Variants in PFKP observed in about 807,000 individuals in gnomAD.
PFKP encodes ATP-dependent 6-phosphofructokinase, platelet type.
PFKP carries 101 observed loss-of-function variants against 94.3 expected under a neutral mutation model. That is an observed-to-expected ratio of 1.07 (90% CI 0.91 to 1.26). PFKP has a LOEUF of 1.26. PFKP is among the 50% of genes most tolerant of loss of function. PFKP has a pLI of 0.00. For synonymous variants in PFKP, 573 were observed against 432.6 expected (o/e 1.32, Z -4.03); for missense variants, 1,145 against 1,103.3 (o/e 1.04, Z -0.53).
At position 3,109,479 on chromosome 10, in the gene PFKP, T is replaced by C; in HGVS notation, c.1088T>C (p.Met363Thr). The change falls in exon 10 of 22, where the codon ATG (methionine) becomes ACG (threonine). Residue 363 changes from methionine to threonine, a missense_variant and splice_region_variant. Physicochemically the swap from Met to Thr is moderately conservative, Grantham distance 81 (BLOSUM62 -1). Coordinates refer to ENST00000381125, the MANE Select transcript of PFKP (RefSeq NM_002627.5). ...VRLPLMECVQ[M>T]TQDVQKAMDE... is the part of the protein sequence containing the mutation. ...CTGCCGCTGATGGAGTGCGTGCAGA[T>C]GGTGAGTGGGCAGCCCATGGCCAAG... is the stretch of plus-strand genomic sequence containing the variant. 1 of 1,603,680 alleles carries C rather than the reference T, an allele frequency of 6.2e-7. No homozygotes were observed. The highest frequency in any genetic ancestry group is 8.5e-7 in the Non-Finnish European group (1 of 1,179,678).
chr10:3,099,353 G>A lies in PFKP; in HGVS notation c.264+1G>A, dbSNP rs1422778134. 1.2e-6 allele frequency: 2 copies of A among 1,612,782 alleles called. No homozygotes were observed. Among genetic ancestry groups the A allele is most frequent in the Non-Finnish European group, 1.7e-6 (2 of 1,178,860 alleles). On this transcript the variant is annotated splice_donor_variant, in intron 3 of 21. Transcript: ENST00000381125. LOFTEE classifies it high-confidence loss of function. Reference sequence around the variant, plus strand: ...GAGTGTCTCCAGCATCCTGCAAGTGGTAGGTACTGGGCTGCGTCCACAGGG... The same window carrying A: ...GAGTGTCTCCAGCATCCTGCAAGTGATAGGTACTGGGCTGCGTCCACAGGG...
At position 3,107,202 on chromosome 10, in the gene PFKP, C is replaced by G. The variant is rs753146501; in HGVS notation, c.775-12C>G. 1 of 1,530,084 alleles carries G rather than the reference C, an allele frequency of 6.5e-7. No homozygotes were observed. Among genetic ancestry groups the G allele is most frequent in the Non-Finnish European group, 9.1e-7 (1 of 1,104,732 alleles). The allele number at this position is 1,530,084 out of a possible 1,614,324, so 94.8% of individuals were successfully genotyped here. A position where few individuals can be genotyped will look rare whatever the true frequency, so the allele number is the denominator to read the frequency against. On this transcript the variant is annotated splice_polypyrimidine_tract_variant and intron_variant, in intron 7 of 21. Coordinates refer to ENST00000381125, the MANE Select transcript of PFKP (RefSeq NM_002627.5). ...TTAGGAATTTGAGAGCTTTAATTTT[C>G]TGTCTCCACAGAACCGTGCCCGGAA...
chr10:3,135,984 G>A (rs1163867704), intron 21 of PFKP, 146 bp downstream of exon 21: 13 of 611,170 alleles, frequency 2.1e-5, no homozygotes, highest in Non-Finnish European at 3.2e-5. Context: ...ACTAGGTCTT[G>A]GCTGGGCGCG....
chr10:3,119,769 TTCGTG>T, intron 15 of PFKP, 118 bp from the exon 16 acceptor site: 1 of 575,790 alleles, frequency 1.7e-6, no homozygotes, highest in Non-Finnish European at 2.8e-6. Flanking sequence ...TCGGAGTGTT[TTCGTG>T]ATGCCCCAGT....
Position 3,118,786 on chromosome 10 carries a change from C to T in PFKP, c.1447C>T (p.Leu483Phe). 1.9e-6 allele frequency: 3 copies of T among 1,612,876 alleles called. No homozygotes were observed. The highest frequency in any genetic ancestry group is 1.6e-4 in the Middle Eastern group (1 of 6,062). ...GGSILGTKRV[L>F]PGKYLEEIAT... is the part of the protein sequence containing the mutation. ...TCTCCACGTGGCTATTTTCAGCGTT[C>T]TCCCGGGGAAGTACTTGGAAGAGAT... The change falls in exon 15 of 22, where the codon CTC becomes TTC. Residue 483 changes from leucine to phenylalanine, a missense_variant. This residue lies in a region of PFKP where 1,119 missense variants were observed against 1,062.8 expected (regional missense o/e 1.05). Transcript: ENST00000381125.
intron 2 of PFKP, among the ~76,000 whole-genome samples, chr10:3,087,313 C>T (rs904434067): frequency 2.0e-5 from 3 of 152,094 alleles, no homozygotes; most frequent in African/African-American, 7.2e-5. Context: ...TCTGTCTCAG[C>T]TGGGAGGGCT....
intron 4 of PFKP, among the ~76,000 whole-genome samples, chr10:3,102,853 T>C (rs34543032): frequency 0.25 from 37,703 of 152,300 alleles, 5,190 homozygotes; most frequent in Middle Eastern, 0.33. Flanking sequence ...TGGAGAAGGC[T>C]GCCCGTTGGA....
At chr10:3,131,117 T>G (rs1838535978) in intron 17 of PFKP, among the ~76,000 whole-genome samples, 1 of 152,064 alleles carries the variant, frequency 6.6e-6, no homozygotes. Flanking sequence ...AATATATATT[T>G]TATAAAAAGA....
At chr10:3,135,444 C>CTTG (rs1839140472) in intron 20 of PFKP, among the ~76,000 whole-genome samples, 1 of 151,896 alleles carries the variant, frequency 6.6e-6, no homozygotes, top group South Asian at 2.1e-4. Context: ...AAATTAGTGT[C>CTTG]CTGTAATTTA....
Position 3,133,765 on chromosome 10 carries a change from A to C in PFKP, c.2022+451A>C, listed in dbSNP as rs79530793. On this transcript the variant is annotated intron_variant, in intron 19 of 21. Transcript: ENST00000381125. The stretch of plus-strand genomic sequence containing the variant: ...GAACTTTTAAGTGATGCCAAACATC[A>C]CCAGCTTTAGGATTCTTTTGTTGGT... Among the ~76,000 whole-genome samples the C allele has an allele frequency of 6.0e-3, 920 of 152,282 alleles. 6 individuals carry two copies. The highest frequency in any genetic ancestry group is 0.024 in the Middle Eastern group (7 of 294).
At chr10:3,105,000 G>A (rs4256893) in intron 5 of PFKP, 115 bp from the exon 6 acceptor site, 250,924 of 954,964 alleles carry the variant, frequency 0.26, 35,551 homozygotes, top group East Asian at 0.53. Context: ...TGGCTAACTC[G>A]GCTGTCAAAG....
rs3816712 is a variant in PFKP, at chr10:3,136,794, T to C, written c.*215T>C. ...GCAGAATTAATTAAACATTTGCCTA[T>C]GACTCCAACAGTCCTCTGTTTTAGT... is the stretch of plus-strand genomic sequence containing the variant. On this transcript the variant is annotated 3_prime_UTR_variant, in exon 22 of 22. Coordinates refer to ENST00000381125, the MANE Select transcript of PFKP (RefSeq NM_002627.5). The C allele has an allele frequency of 0.43, 196,266 of 459,468 alleles. 42,860 individuals are homozygous for C. Among genetic ancestry groups the C allele is most frequent in the African/African-American group, 0.56 (28,325 of 50,404 alleles). 28.5% of individuals were successfully genotyped at this position (459,468 alleles called of 1,614,324 possible).
chr10:3,132,322 C>T (rs980287789), intron 17 of PFKP, 58 bp from the exon 18 acceptor site: 1 of 1,269,094 alleles, frequency 7.9e-7, no homozygotes, highest in Non-Finnish European at 1.2e-6. Flanking sequence ...CAGTGCCTGG[C>T]ACACAGTAGG....
chr10:3,077,261 C>CTTTTCTTTT (rs1832678032), intron 1 of PFKP, among the ~76,000 whole-genome samples: 5 of 84,236 alleles, frequency 5.9e-5, no homozygotes, highest in Non-Finnish European at 1.0e-4. Context: ...TTTTTTTTTT[C>CTTTTCTTTT]TTTTTTTTTT....
intron 4 of PFKP, among the ~76,000 whole-genome samples, chr10:3,103,092 A>T (rs1174328355): frequency 6.6e-6 from 1 of 152,232 alleles, no homozygotes; most frequent in African/African-American, 2.4e-5. Flanking sequence ...AATCAGTGTG[A>T]AGATGGCCTA....
Position 3,093,123 on chromosome 10 carries a change from C to T in PFKP, c.187-6152C>T, listed in dbSNP as rs547403791. On this transcript the variant is annotated intron_variant, in intron 2 of 21. Coordinates refer to ENST00000381125, the MANE Select transcript of PFKP (RefSeq NM_002627.5). ...CCTGGGATGTGTGGAAGGGGCTGGC[C>T]GTGGAAACTAGTTGGCAAGACAAAG... is the stretch of plus-strand genomic sequence containing the variant. Among the ~76,000 whole-genome samples the T allele has an allele frequency of 3.3e-5, 5 of 151,950 alleles. No individual in the cohort carries two copies. The East Asian group carries it at 5.8e-4, about 18-fold the overall frequency.
At chr10:3,069,449 C>T (rs1265694052) in intron 1 of PFKP, 10 of 1,469,716 alleles carry the variant, frequency 6.8e-6, no homozygotes, top group Admixed American at 2.0e-5. Flanking sequence ...CAGTCAAAGG[C>T]CTTCAGAAGC....
intron 1 of PFKP, among the ~76,000 whole-genome samples, chr10:3,078,354 A>T (rs1832768648): frequency 6.6e-6 from 1 of 152,116 alleles, no homozygotes; most frequent in African/African-American, 2.4e-5. Flanking sequence ...CTTTTCATCC[A>T]CCAGTGTTCT....
At chr10:3,126,960 G>A (rs569144139) in intron 16 of PFKP, among the ~76,000 whole-genome samples, 4 of 152,256 alleles carry the variant, frequency 2.6e-5, no homozygotes, top group South Asian at 2.1e-4. Context: ...TGCTGTCCAC[G>A]TGCCAGCCCT....
Sources: gnomAD v4.1 joint callset for allele counts (sites outside exome capture counted in the v4.1 genomes callset) on GRCh38, gnomAD v4.1.1 for gene constraint, gnomAD v4.1.1 regional missense constraint, MANE v1.5 for transcripts, NCBI Gene and HGNC (gene_info 2026-07-23, HGNC 2026-07-21) for gene names.